Variants in HTN1 observed in about 807,000 individuals in gnomAD.
HTN1 encodes histatin 1, also known as histatin-1.
Under a neutral mutation model 11.2 loss-of-function variants are expected in HTN1, and 18 were observed. The ratio of observed to expected loss-of-function variants is 1.61; its 90% CI spans 1.12 to 2.39. HTN1 has a LOEUF of 2.39. Among genes scored for constraint, HTN1 ranks in the 30% most tolerant of loss-of-function variants. The pLI, the probability that HTN1 is intolerant of heterozygous loss-of-function variation, is 0.00. For missense variants in HTN1, 80 were observed against 67.2 expected, an observed-to-expected ratio of 1.19 and a Z score of -0.67; for synonymous variants, 21 against 20.5, an observed-to-expected ratio of 1.02 and a Z score of -0.07.
rs773598546 is a variant in HTN1 at position 70,054,432 on chromosome 4, G to T, written c.84G>T (p.Gly28=). The T allele has an allele frequency of 5.9e-6, 9 of 1,518,280 alleles. No homozygotes were observed. In the African/African-American group the frequency reaches 9.7e-5, roughly 16 times the overall value. The allele number at this position is 1,518,280 out of a possible 1,614,324, so 94.1% of individuals were successfully genotyped here. ...TTTTTATTTCATAGAGACATCATGG[G>T]TATAGAAGAAAATTCCATGTAAGTG... ...SADSHEKRHH[G]YRRKFHEKHH... Residue 28 remains glycine (G), a synonymous_variant, in exon 4 of 6, where the codon GGG becomes GGT. Coordinates refer to ENST00000246896, the MANE Select transcript of HTN1 (RefSeq NM_002159.4).
chr4:70,056,574 AG>A (rs758214521), intron 5 of HTN1: 8 of 152,206 alleles, frequency 5.3e-5, no homozygotes, highest in Non-Finnish European at 1.0e-4. Context: ...GCACAACAAA[AG>A]AAACTATCAT....
intron 4 of HTN1, 56 bp downstream of exon 4, chr4:70,054,506 A>G: frequency 4.6e-6 from 5 of 1,094,176 alleles, no homozygotes; most frequent in Non-Finnish European, 6.8e-6. Flanking sequence ...CTGACTATTT[A>G]TTCTCCTAGA....
rs150657741 is a variant in HTN1 at position 70,055,565 on chromosome 4, A to T, written c.170A>T (p.Asn57Ile). The change falls in exon 5 of 6, where the codon AAT becomes ATT. Residue 57 changes from asparagine to isoleucine, a missense_variant. Transcript: ENST00000246896. ...TATGGATCAAATTATCTATATGACA[A>T]TTGATATCCTTAGTAATCATGGGGC... ...GDYGSNYLYDN is the reference protein window; with the variant it reads ...GDYGSNYLYDI 3 of 1,544,638 alleles carry T rather than the reference A, an allele frequency of 1.9e-6. No homozygotes were observed. In the Admixed American group the frequency reaches 5.0e-5, roughly 26 times the overall value.
chr4:70,050,809 G>A (rs1425948692), intron 1 of HTN1, among the ~76,000 whole-genome samples: 2 of 151,998 alleles, frequency 1.3e-5, no homozygotes, highest in Non-Finnish European at 2.9e-5. Flanking sequence ...TACGTGTGCA[G>A]GACATGCAGA....
At chr4:70,057,422 G>C (rs975122807) in intron 5 of HTN1, 1 of 152,022 alleles carries the variant, frequency 6.6e-6, no homozygotes, top group Non-Finnish European at 1.5e-5. Flanking sequence ...CTGATCAATA[G>C]GTGCAGCAAA....
chr4:70,057,554 C>G (rs1290168983), intron 5 of HTN1: 1 of 152,158 alleles, frequency 6.6e-6, no homozygotes, highest in Non-Finnish European at 1.5e-5. Flanking sequence ...GGGAAAGCTT[C>G]TGTTCACCAG....
At position 70,057,998 on chromosome 4, in the gene HTN1, T is replaced by G. The variant is rs368832965; in HGVS notation, c.*34-582T>G. The G allele has an allele frequency of 1.4e-4, 21 of 152,304 alleles. No homozygotes were observed. In the East Asian group the frequency reaches 2.9e-3, roughly 21 times the overall value. 9.4% of individuals were successfully genotyped at this position (152,304 alleles called of 1,614,324 possible). ...ACAATTTCCTTTTCATAAAGTCAGT[T>G]TTATTTATCTATATTCACAGCATAA... On this transcript the variant is annotated intron_variant, in intron 5 of 5. Coordinates refer to ENST00000246896, the MANE Select transcript of HTN1 (RefSeq NM_002159.4).
At chr4:70,051,550 A>G (rs1725894005) in intron 1 of HTN1, among the ~76,000 whole-genome samples, 1 of 152,166 alleles carries the variant, frequency 6.6e-6, no homozygotes, top group Admixed American at 6.6e-5. Flanking sequence ...TACTTGCAAC[A>G]GAATTGACAA....
chr4:70,058,708 CTG>C lies in HTN1; in HGVS notation c.*166_*167del, dbSNP rs1726105801. The C allele has an allele frequency of 1.3e-5, 2 of 152,128 alleles. No homozygotes were observed. Among genetic ancestry groups the C allele is most frequent in the Non-Finnish European group, 2.9e-5 (2 of 68,008 alleles). 9.4% of individuals were successfully genotyped at this position (152,128 alleles called of 1,614,324 possible). On this transcript the variant is annotated 3_prime_UTR_variant, in exon 6 of 6. Transcript: ENST00000246896. ...AAGAAAGACCATGATTTAGTGAATTCTGTGTTTCATGATACTTCCCTTCCTAA... is the reference window on the plus strand; with the variant it reads ...AAGAAAGACCATGATTTAGTGAATTCTGTTTCATGATACTTCCCTTCCTAA...
intron 4 of HTN1, among the ~76,000 whole-genome samples, chr4:70,055,035 G>C (rs567398360): frequency 6.6e-6 from 1 of 151,954 alleles, no homozygotes. Context: ...CATAAAAATG[G>C]ATGAAGACTG....
chr4:70,053,190 TTCCTTGTGTTCTGGTATATACTCA>T, intron 2 of HTN1, 63 bp downstream of exon 2: 1 of 1,063,414 alleles, frequency 9.4e-7, no homozygotes, highest in Middle Eastern at 2.0e-4. Flanking sequence ...GTCTCTCTTA[TTCCTTGTGTTCTGGTATATACTCA>T]TGTTGACCTC....
chr4:70,050,736 TCA>T (rs1158451185), intron 1 of HTN1, among the ~76,000 whole-genome samples: 5 of 152,158 alleles, frequency 3.3e-5, no homozygotes, highest in African/African-American at 1.2e-4. Context: ...CTTTAAAAAC[TCA>T]CACACAAATT....
At chr4:70,054,624 C>G (rs1456656215) in intron 4 of HTN1, among the ~76,000 whole-genome samples, 174 bp downstream of exon 4, 1 of 151,986 alleles carries the variant, frequency 6.6e-6, no homozygotes, top group African/African-American at 2.4e-5. Context: ...TATCTTGTGT[C>G]CTAAAAGCAT....
intron 5 of HTN1, chr4:70,055,858 A>G: frequency 8.1e-6 from 2 of 246,556 alleles, no homozygotes; most frequent in Non-Finnish European, 1.5e-5. Context: ...TTTGTAGTAT[A>G]GTTTGAAGTC....
In HTN1 at chr4:70,054,342, G is replaced by C. The variant is rs745722677; in HGVS notation, c.72G>C (p.Lys24Asn). ...CCAAGAGCGCTGATTCACATGAAAA[G>C]GTAAGACATTTTCATTTACGGGAAA... ...ISMISADSHE[K>N]RHHGYRRKFH... is the part of the protein sequence containing the mutation. Residue 24 changes from lysine (K) to asparagine (N), a missense_variant and splice_region_variant, in exon 3 of 6, where the codon AAG (lysine) becomes AAC (asparagine). By Grantham distance (94) the Lys-to-Asn change is moderately conservative. Transcript: ENST00000246896. 6.5e-7 allele frequency: 1 copy of C among 1,527,212 alleles called. No homozygotes were observed. The highest frequency in any genetic ancestry group is 2.3e-5 in the East Asian group (1 of 43,442). The allele number at this position is 1,527,212 out of a possible 1,614,324, so 94.6% of individuals were successfully genotyped here.
intron 5 of HTN1, chr4:70,057,788 A>T (rs1200468277): frequency 6.6e-6 from 1 of 152,182 alleles, no homozygotes; most frequent in African/African-American, 2.4e-5. Flanking sequence ...AACACTGTAC[A>T]TGGATGTTAT....
intron 1 of HTN1, among the ~76,000 whole-genome samples, chr4:70,050,743 C>T (rs1725871460): frequency 6.6e-6 from 1 of 152,120 alleles, no homozygotes; most frequent in African/African-American, 2.4e-5. Flanking sequence ...AACTCACACA[C>T]AAATTCATTT....
At chr4:70,054,550 T>A in intron 4 of HTN1, 100 bp downstream of exon 4, 1 of 785,464 alleles carries the variant, frequency 1.3e-6, no homozygotes. Context: ...TATATCTATA[T>A]CATTAATTGC....
At chr4:70,056,410 TG>T (rs1182810003) in intron 5 of HTN1, 17 of 152,022 alleles carry the variant, frequency 1.1e-4, no homozygotes, top group African/African-American at 3.6e-4. Context: ...AAAACTTAAA[TG>T]TAATACCCCA....
Sources: allele counts gnomAD v4.1 joint callset (sites outside exome capture counted in the v4.1 genomes callset), GRCh38; gene constraint gnomAD v4.1.1; transcripts MANE v1.5; gene names NCBI Gene and HGNC (gene_info 2026-07-23, HGNC 2026-07-21).